RCOR1: variants seen among roughly 807,000 people sequenced by gnomAD.
RCOR1 encodes REST corepressor 1.
RCOR1 carries 12 observed loss-of-function variants against 64.0 expected under a neutral mutation model. The ratio of observed to expected loss-of-function variants is 0.19; its 90% CI spans 0.12 to 0.30. The LOEUF (loss-of-function observed/expected upper bound fraction) is 0.30, where lower values mean the gene tolerates loss of function less well. Ranked by LOEUF, RCOR1 falls within the 10% of genes least tolerant of loss-of-function variation. The pLI is 1.00. For synonymous variants in RCOR1, 279 were observed against 227.2 expected, an observed-to-expected ratio of 1.23 and a Z score of -2.05; for missense variants, 502 against 621.2, an observed-to-expected ratio of 0.81 and a Z score of 2.04.
intron 11 of RCOR1, among the ~76,000 whole-genome samples, chr14:102,723,355 G>T (rs1010513505): frequency 6.6e-6 from 1 of 152,200 alleles, no homozygotes; most frequent in South Asian, 2.1e-4. Context: ...ACCTCGTGAG[G>T]TATTGGCATC....
At chr14:102,683,933 G>T (rs2139962876) in intron 3 of RCOR1, among the ~76,000 whole-genome samples, 1 of 152,348 alleles carries the variant, frequency 6.6e-6, no homozygotes, top group Non-Finnish European at 1.5e-5. Flanking sequence ...AGCCGAGGTG[G>T]GGCTGGCAGC....
In RCOR1 at chr14:102,592,943, C is replaced by A; in HGVS notation, c.57C>A (p.Asn19Lys). ...PEVSGKRRGR[N>K]NAAASASAAA... ...TCTCAGGGAAGCGGAGAGGGAGGAA[C>A]AACGCGGCCGCCTCCGCCTCCGCCG... is the stretch of plus-strand genomic sequence containing the variant. Residue 19 changes from asparagine to lysine, a missense_variant, in exon 1 of 12, where the codon AAC (asparagine) becomes AAA (lysine). Coordinates refer to ENST00000262241, the MANE Select transcript of RCOR1 (RefSeq NM_015156.4). 1 of 1,215,300 alleles carries A rather than the reference C, an allele frequency of 8.2e-7. No homozygotes were observed. Among genetic ancestry groups the A allele is most frequent in the Non-Finnish European group, 1.0e-6 (1 of 970,416 alleles). 75.3% of individuals were successfully genotyped at this position (1,215,300 alleles called of 1,614,324 possible).
chr14:102,632,611 ATCCTTTCCTTTCCTTTCCTT>A (rs201997281), intron 2 of RCOR1, among the ~76,000 whole-genome samples: 4,699 of 108,000 alleles, frequency 0.044, 224 homozygotes, highest in African/African-American at 0.076. Flanking sequence ...ACTGCATGCT[ATCCTTTCCTTTCCTTTCCTT>A]TCCTTTCCTT....
At chr14:102,685,389 G>T (rs1420780060) in intron 3 of RCOR1, among the ~76,000 whole-genome samples, 2 of 150,670 alleles carry the variant, frequency 1.3e-5, no homozygotes, top group African/African-American at 4.9e-5. Flanking sequence ...ACCTATTGAT[G>T]AATATTTATA....
At chr14:102,653,959 CTTTCTTTCTTTCTTTCTTTCTTTCTT>C (rs1894655385) in intron 2 of RCOR1, among the ~76,000 whole-genome samples, 1 of 50,042 alleles carries the variant, frequency 2.0e-5, no homozygotes, top group Non-Finnish European at 3.5e-5. Flanking sequence ...TTCTTTCTTT[CTTTCTTTCTTTCTTTCTTTCTTTCTT>C]TTTTTTTTTT....
At chr14:102,686,563 G>A (rs1222938174) in intron 3 of RCOR1, among the ~76,000 whole-genome samples, 1 of 152,212 alleles carries the variant, frequency 6.6e-6, no homozygotes, top group African/African-American at 2.4e-5. Flanking sequence ...TCGTTTCACT[G>A]GTTTAAGAAA....
At chr14:102,622,227 C>CT (rs1893889932) in intron 2 of RCOR1, among the ~76,000 whole-genome samples, 1 of 152,142 alleles carries the variant, frequency 6.6e-6, no homozygotes, top group Non-Finnish European at 1.5e-5. Flanking sequence ...TTATTGGCTC[C>CT]TTAAAATCAT....
chr14:102,677,187 G>T (rs1360988116), intron 2 of RCOR1, among the ~76,000 whole-genome samples: 2 of 141,086 alleles, frequency 1.4e-5, no homozygotes, highest in African/African-American at 2.7e-5. Context: ...CTCCCGGACG[G>T]GGCGGCTGGC....
In RCOR1 at chr14:102,679,931, T is replaced by C. The variant is rs527573671; in HGVS notation, c.362-1964T>C. Among the ~76,000 whole-genome samples, 7 of 152,376 alleles carry C rather than the reference T, an allele frequency of 4.6e-5. No individual in the cohort carries two copies. The East Asian group carries it at 1.3e-3, about 29-fold the overall frequency. ...TTGCCTTTCTTTATGAATTGTAGAATATTTATCAATTACGGCAAAAGAAGG... is the reference window on the plus strand; with the variant it reads ...TTGCCTTTCTTTATGAATTGTAGAACATTTATCAATTACGGCAAAAGAAGG... On this transcript the variant is annotated intron_variant, in intron 2 of 11. Coordinates refer to ENST00000262241, the MANE Select transcript of RCOR1 (RefSeq NM_015156.4).
intron 8 of RCOR1, among the ~76,000 whole-genome samples, chr14:102,717,025 C>T (rs770643499): frequency 2.0e-5 from 3 of 152,130 alleles, no homozygotes; most frequent in South Asian, 4.1e-4. Flanking sequence ...AAGAACTTAA[C>T]GCATCTTTTG....
chr14:102,663,422 T>C (rs1319847997), intron 2 of RCOR1, among the ~76,000 whole-genome samples: 4 of 152,236 alleles, frequency 2.6e-5, no homozygotes, highest in Admixed American at 1.3e-4. Context: ...TCATATTGTC[T>C]TTTTTCCTAA....
chr14:102,595,964 A>G (rs990851791), intron 2 of RCOR1, among the ~76,000 whole-genome samples: 2 of 152,112 alleles, frequency 1.3e-5, no homozygotes, highest in African/African-American at 2.4e-5. Flanking sequence ...TTGCCAACCT[A>G]AGCAGGGGGA....
At chr14:102,649,975 G>A (rs1894550664) in intron 2 of RCOR1, among the ~76,000 whole-genome samples, 1 of 151,846 alleles carries the variant, frequency 6.6e-6, no homozygotes, top group Non-Finnish European at 1.5e-5. Flanking sequence ...CGAGATGGGC[G>A]GATCACGAGG....
chr14:102,708,057 C>T (rs1338761878), intron 5 of RCOR1, among the ~76,000 whole-genome samples: 2 of 151,964 alleles, frequency 1.3e-5, no homozygotes, highest in East Asian at 1.9e-4. Flanking sequence ...GCTCCGCCTC[C>T]CGGGTTCACG....
At chr14:102,598,053 C>A (rs552220431) in intron 2 of RCOR1, among the ~76,000 whole-genome samples, 2 of 152,260 alleles carry the variant, frequency 1.3e-5, no homozygotes, top group South Asian at 4.1e-4. Flanking sequence ...AACTCCCAAC[C>A]TCAGGTGATT....
At chr14:102,598,748 C>T (rs552742830) in intron 2 of RCOR1, among the ~76,000 whole-genome samples, 1 of 152,206 alleles carries the variant, frequency 6.6e-6, no homozygotes, top group African/African-American at 2.4e-5. Flanking sequence ...ACGCCTGGCC[C>T]TGATTCAGTT....
In RCOR1 at chr14:102,614,125, C is replaced by G. The variant is rs572441045; in HGVS notation, c.361+20800C>G. ...GGTCAGGCTGGTCTTGAGTTCCCAA[C>G]CTCAGGTGATCTACCCTCCTTGGCC... On this transcript the variant is annotated intron_variant, in intron 2 of 11. Coordinates refer to ENST00000262241, the MANE Select transcript of RCOR1 (RefSeq NM_015156.4). 1.6e-4 allele frequency among the ~76,000 whole-genome samples: 25 copies of G among 151,540 alleles called. No homozygotes were observed. The South Asian group carries it at 5.2e-3, about 32-fold the overall frequency.
chr14:102,681,777 G>A (rs1348070548), intron 2 of RCOR1, 118 bp from the exon 3 acceptor site: 1 of 665,998 alleles, frequency 1.5e-6, no homozygotes, highest in African/African-American at 1.8e-5. Context: ...TTAAGTGTGG[G>A]GCCCATTGGG....
At chr14:102,632,746 TCCCC>T (rs1894150788) in intron 2 of RCOR1, among the ~76,000 whole-genome samples, 1 of 36,592 alleles carries the variant, frequency 2.7e-5, no homozygotes, top group Non-Finnish European at 4.7e-5. Context: ...TCCCCTCCCC[TCCCC>T]TCCCCTCCCC....
Sources: allele counts gnomAD v4.1 joint callset (sites outside exome capture counted in the v4.1 genomes callset), GRCh38; gene constraint gnomAD v4.1.1; transcripts MANE v1.5; gene names NCBI Gene and HGNC (gene_info 2026-07-23, HGNC 2026-07-21).